AUTS2: variants seen among roughly 807,000 people sequenced by gnomAD.
AUTS2 encodes the protein autism susceptibility gene 2 protein.
A neutral mutation model predicts 112.4 loss-of-function variants in AUTS2; 17 were observed. The observed-to-expected ratio is 0.15, with a 90% CI of 0.10 to 0.23. The LOEUF (loss-of-function observed/expected upper bound fraction) is 0.23, where lower values mean the gene tolerates loss of function less well. AUTS2 is among the 10% of genes least tolerant of loss of function. The pLI, the probability that AUTS2 is intolerant of heterozygous loss-of-function variation, is 1.00. For missense variants in AUTS2, 1,510 were observed against 1,701.6 expected (o/e 0.89, Z 1.98); for synonymous variants, 751 against 702.7 (o/e 1.07, Z -1.09).
chr7:70,591,895 C>G (rs1209611996), intron 5 of AUTS2, among the ~76,000 whole-genome samples: 2 of 152,186 alleles, frequency 1.3e-5, no homozygotes, highest in African/African-American at 4.8e-5. Flanking sequence ...CTGCAGCCAC[C>G]AGACATGTAG....
intron 4 of AUTS2, among the ~76,000 whole-genome samples, chr7:70,153,991 G>A (rs531057885): frequency 1.3e-5 from 2 of 152,174 alleles, no homozygotes; most frequent in Non-Finnish European, 2.9e-5. Context: ...AACCACTGCT[G>A]TCCTCTGTTA....
intron 5 of AUTS2, among the ~76,000 whole-genome samples, chr7:70,568,614 G>T (rs1363793462): frequency 2.0e-5 from 3 of 152,192 alleles, no homozygotes; most frequent in Non-Finnish European, 2.9e-5. Flanking sequence ...CAGGACACCT[G>T]TCTCCTTCAT....
At chr7:70,119,128 T>TA (rs1805549127) in intron 3 of AUTS2, 1 of 152,090 alleles carries the variant, frequency 6.6e-6, no homozygotes, top group South Asian at 2.1e-4. Context: ...TAGGTGGGAC[T>TA]ACGGGTGCAC....
At chr7:70,496,452 A>T (rs6949289) in intron 5 of AUTS2, among the ~76,000 whole-genome samples, 42 of 123,568 alleles carry the variant, frequency 3.4e-4, no homozygotes, top group East Asian at 1.0e-3. Context: ...GATCACACAC[A>T]CCACGTACAC....
At chr7:70,033,337 G>A (rs1034015621) in intron 2 of AUTS2, among the ~76,000 whole-genome samples, 35 of 152,168 alleles carry the variant, frequency 2.3e-4, no homozygotes, top group African/African-American at 6.5e-4. Flanking sequence ...GTTTGTAAAA[G>A]TATAATGTGT....
chr7:70,046,376 T>A (rs1801504434), intron 2 of AUTS2, among the ~76,000 whole-genome samples: 2 of 152,220 alleles, frequency 1.3e-5, no homozygotes, highest in South Asian at 4.1e-4. Context: ...ACAAAGTGTA[T>A]AAAGCACATG....
At chr7:70,261,431 A>T (rs1057426618) in intron 4 of AUTS2, among the ~76,000 whole-genome samples, 15 of 152,222 alleles carry the variant, frequency 9.9e-5, no homozygotes, top group Non-Finnish European at 1.9e-4. Flanking sequence ...TATTTGTCCA[A>T]ACTCATCAAA....
chr7:70,052,724 A>G (rs887875372), intron 2 of AUTS2, among the ~76,000 whole-genome samples: 2 of 152,156 alleles, frequency 1.3e-5, no homozygotes, highest in African/African-American at 2.4e-5. Context: ...CTGAAGTCCT[A>G]ATCTGTAGGC....
intron 2 of AUTS2, among the ~76,000 whole-genome samples, chr7:70,001,564 T>C (rs1229314122): frequency 2.0e-5 from 3 of 152,060 alleles, no homozygotes; most frequent in Non-Finnish European, 2.9e-5. Flanking sequence ...TAAAGGAAAA[T>C]GACCCTCTAA....
intron 5 of AUTS2, among the ~76,000 whole-genome samples, chr7:70,688,847 A>G (rs1808602046): frequency 6.6e-6 from 1 of 152,188 alleles, no homozygotes; most frequent in Non-Finnish European, 1.5e-5. Flanking sequence ...ATGCTTCTGC[A>G]CCAGTAAGAC....
chr7:69,992,363 C>T (rs1179582782), intron 2 of AUTS2, among the ~76,000 whole-genome samples: 4 of 152,148 alleles, frequency 2.6e-5, no homozygotes, highest in African/African-American at 4.8e-5. Context: ...GGAAACTTTA[C>T]AGACTGGCAA....
intron 4 of AUTS2, among the ~76,000 whole-genome samples, chr7:70,343,639 A>G (rs1791370804): frequency 6.6e-6 from 1 of 152,204 alleles, no homozygotes. Context: ...AAGATGTAAC[A>G]TGTAAGGGAA....
intron 4 of AUTS2, among the ~76,000 whole-genome samples, chr7:70,419,160 C>CG: frequency 6.6e-6 from 1 of 152,218 alleles, no homozygotes; most frequent in East Asian, 1.9e-4. Context: ...TTAAACTTCC[C>CG]TATGACTGTG....
chr7:70,193,485 A>G (rs1008416144), intron 4 of AUTS2, among the ~76,000 whole-genome samples: 6 of 152,222 alleles, frequency 3.9e-5, no homozygotes, highest in African/African-American at 1.4e-4. Flanking sequence ...TTTTACGGGT[A>G]GAAATCTTGA....
intron 4 of AUTS2, among the ~76,000 whole-genome samples, chr7:70,236,499 T>G (rs996937656): frequency 1.3e-5 from 2 of 152,220 alleles, no homozygotes; most frequent in African/African-American, 4.8e-5. Flanking sequence ...CAATAAAAAG[T>G]ACTTTTTCTT....
At chr7:69,667,692 G>A (rs1170268996) in intron 1 of AUTS2, among the ~76,000 whole-genome samples, 2 of 152,102 alleles carry the variant, frequency 1.3e-5, no homozygotes, top group South Asian at 2.1e-4. Context: ...TGTAATAGTA[G>A]TTTGGAATAT....
chr7:70,125,276 TGTGTGTGTG>T (rs375763594), intron 3 of AUTS2, among the ~76,000 whole-genome samples: 1 of 146,196 alleles, frequency 6.8e-6, no homozygotes, highest in Non-Finnish European at 1.5e-5. Context: ...TGTGTGTGTG[TGTGTGTGTG>T]TTTTTAATGT....
At chr7:70,432,071 G>A (rs946213919) in intron 4 of AUTS2, among the ~76,000 whole-genome samples, 1 of 152,150 alleles carries the variant, frequency 6.6e-6, no homozygotes, top group African/African-American at 2.4e-5. Context: ...TAAAATGGAG[G>A]ATATATTTTT....
chr7:69,714,148 C>A (rs1798469440), intron 1 of AUTS2, among the ~76,000 whole-genome samples: 2 of 151,604 alleles, frequency 1.3e-5, no homozygotes, highest in Non-Finnish European at 2.9e-5. Context: ...GCAGCCTTGA[C>A]CTCCTGGGTT....
Sources: gnomAD v4.1 joint callset for allele counts (sites outside exome capture counted in the v4.1 genomes callset) on GRCh38, gnomAD v4.1.1 for gene constraint, MANE v1.5 for transcripts, NCBI Gene and HGNC (gene_info 2026-07-23, HGNC 2026-07-21) for gene names.